GRIK2: variants seen among roughly 807,000 people sequenced by gnomAD.
The protein encoded by GRIK2 is glutamate receptor ionotropic, kainate 2.
A neutral mutation model predicts 100.3 loss-of-function variants in GRIK2; 32 were observed. The ratio of observed to expected loss-of-function variants is 0.32; its 90% CI spans 0.24 to 0.43. The LOEUF (loss-of-function observed/expected upper bound fraction) is 0.43. GRIK2 is among the 20% of genes least tolerant of loss of function. The pLI is 1.00. For missense variants in GRIK2, 843 were observed against 1,114.9 expected, an observed-to-expected ratio of 0.76 and a Z score of 3.47; for synonymous variants, 417 against 389.4, an observed-to-expected ratio of 1.07 and a Z score of -0.83.
chr6:101,584,958 A>G (rs1403723374), intron 2 of GRIK2, among the ~76,000 whole-genome samples: 1 of 151,992 alleles, frequency 6.6e-6, no homozygotes, highest in African/African-American at 2.4e-5. Flanking sequence ...ATGTAACTAC[A>G]TATAAGAGAA....
intron 15 of GRIK2, among the ~76,000 whole-genome samples, chr6:102,046,499 A>G (rs1770895267): frequency 1.3e-5 from 2 of 151,924 alleles, no homozygotes; most frequent in Non-Finnish European, 2.9e-5. Context: ...TCTCCCCACA[A>G]CCTGCACCCA....
chr6:101,977,893 CTT>C (rs1461165116), intron 14 of GRIK2, among the ~76,000 whole-genome samples: 1 of 151,922 alleles, frequency 6.6e-6, no homozygotes, highest in Non-Finnish European at 1.5e-5. Context: ...CCTCGAGAAA[CTT>C]TCCTGGAGGT....
At chr6:101,541,376 C>CACACACACA (rs775232963) in intron 2 of GRIK2, among the ~76,000 whole-genome samples, 4 of 5,588 alleles carry the variant, frequency 7.2e-4, no homozygotes, top group East Asian at 5.2e-3. Flanking sequence ...GCGCACACAA[C>CACACACACA]CACACACACA....
intron 12 of GRIK2, among the ~76,000 whole-genome samples, chr6:101,894,226 AT>A (rs1787289319): frequency 6.6e-6 from 1 of 151,790 alleles, no homozygotes. Context: ...TTAAGAAAAA[AT>A]ATCTAAGAAT....
At chr6:101,979,012 C>T (rs910980063) in intron 14 of GRIK2, among the ~76,000 whole-genome samples, 3 of 151,916 alleles carry the variant, frequency 2.0e-5, no homozygotes, top group Admixed American at 6.6e-5. Context: ...TTTTGGATAA[C>T]ATATCTTATT....
intron 4 of GRIK2, among the ~76,000 whole-genome samples, chr6:101,653,777 G>A (rs999062265): frequency 6.6e-6 from 1 of 151,774 alleles, no homozygotes; most frequent in Non-Finnish European, 1.5e-5. Flanking sequence ...CTGCCACCAC[G>A]CCTGGCTAAA....
chr6:102,018,080 T>C (rs1769214449), intron 14 of GRIK2, among the ~76,000 whole-genome samples: 1 of 152,172 alleles, frequency 6.6e-6, no homozygotes, highest in East Asian at 1.9e-4. Flanking sequence ...TAGTATGCCT[T>C]GTAACTTTCT....
intron 2 of GRIK2, among the ~76,000 whole-genome samples, chr6:101,547,043 G>A (rs1437473947): frequency 6.6e-6 from 1 of 151,256 alleles, no homozygotes; most frequent in South Asian, 2.1e-4. Flanking sequence ...GTTTTAGCCG[G>A]GATGGTCTCG....
At chr6:101,626,658 T>A (rs779970208) in intron 4 of GRIK2, 21 bp downstream of exon 4, 1 of 1,602,158 alleles carries the variant, frequency 6.2e-7, no homozygotes, top group East Asian at 2.2e-5. Context: ...TCAGTATCTT[T>A]TGGAGCTATG....
chr6:101,737,295 A>C (rs1376549658), intron 7 of GRIK2, among the ~76,000 whole-genome samples: 1 of 152,268 alleles, frequency 6.6e-6, no homozygotes, highest in South Asian at 2.1e-4. Flanking sequence ...TACTAGTTCC[A>C]ATTTACAGTA....
At chr6:101,832,591 C>T (rs751121601) in intron 10 of GRIK2, among the ~76,000 whole-genome samples, 26 of 152,084 alleles carry the variant, frequency 1.7e-4, no homozygotes, top group Non-Finnish European at 3.4e-4. Flanking sequence ...AAGCTGAAGA[C>T]GTGGCTGGAC....
At chr6:101,650,087 G>A (rs944145585) in intron 4 of GRIK2, among the ~76,000 whole-genome samples, 3 of 152,132 alleles carry the variant, frequency 2.0e-5, no homozygotes, top group African/African-American at 7.2e-5. Context: ...AAAGCAGCCT[G>A]AAAGCAGGTT....
chr6:101,760,690 A>ATAATTATATGTT (rs1777570824), intron 7 of GRIK2, among the ~76,000 whole-genome samples: 5 of 73,832 alleles, frequency 6.8e-5, no homozygotes, highest in African/African-American at 1.4e-4. Context: ...TTAATTATAT[A>ATAATTATATGTT]TAATTATATA....
chr6:101,860,593 C>A (rs949148912), intron 11 of GRIK2, among the ~76,000 whole-genome samples: 2 of 152,082 alleles, frequency 1.3e-5, no homozygotes, highest in Non-Finnish European at 2.9e-5. Flanking sequence ...ATGGCTATAG[C>A]CATTCAATGG....
intron 2 of GRIK2, among the ~76,000 whole-genome samples, chr6:101,482,745 G>T (rs1772598564): frequency 6.6e-6 from 1 of 152,032 alleles, no homozygotes; most frequent in Non-Finnish European, 1.5e-5. Flanking sequence ...GAAGTAGGAA[G>T]GAGGAAGAAG....
At chr6:101,858,386 C>CTTTTTTTTTTTTTTT (rs780526806) in intron 10 of GRIK2, among the ~76,000 whole-genome samples, 12 of 91,656 alleles carry the variant, frequency 1.3e-4, no homozygotes, top group Non-Finnish European at 1.6e-4. Flanking sequence ...ATTTTTTTTT[C>CTTTTTTTTTTTTTTT]TTTTTTTTTT....
intron 14 of GRIK2, among the ~76,000 whole-genome samples, chr6:101,969,816 C>G (rs1488064521): frequency 2.0e-5 from 3 of 151,974 alleles, no homozygotes; most frequent in African/African-American, 7.2e-5. Context: ...TGGTCAGCAA[C>G]TGCTTGGTTT....
intron 2 of GRIK2, among the ~76,000 whole-genome samples, chr6:101,408,197 C>A (rs769829847): frequency 2.6e-5 from 4 of 152,104 alleles, no homozygotes; most frequent in Non-Finnish European, 5.9e-5. Context: ...GTGTTGCTTA[C>A]ATTTTATGAA....
intron 15 of GRIK2, among the ~76,000 whole-genome samples, chr6:102,049,153 T>A (rs1245776299): frequency 6.6e-6 from 1 of 152,096 alleles, no homozygotes; most frequent in African/African-American, 2.4e-5. Context: ...ATACAAGCAG[T>A]GTGCTGTGAA....
Sources: gnomAD v4.1 joint callset for allele counts (sites outside exome capture counted in the v4.1 genomes callset) on GRCh38, gnomAD v4.1.1 for gene constraint, MANE v1.5 for transcripts, NCBI Gene and HGNC (gene_info 2026-07-23, HGNC 2026-07-21) for gene names.